Variants in DPYD observed in about 807,000 individuals in gnomAD.
The protein encoded by DPYD is dihydropyrimidine dehydrogenase [NADP(+)].
Under a neutral mutation model 116.2 loss-of-function variants are expected in DPYD, and 109 were observed. The ratio of observed to expected loss-of-function variants is 0.94; its 90% CI spans 0.80 to 1.10. The LOEUF (loss-of-function observed/expected upper bound fraction) is 1.10. DPYD is among the 50% of genes least tolerant of loss of function. The pLI is 0.00. For synonymous variants in DPYD, 440 were observed against 432.0 expected, an observed-to-expected ratio of 1.02 and a Z score of -0.23; for missense variants, 1,302 against 1,254.5, an observed-to-expected ratio of 1.04 and a Z score of -0.57.
At chr1:97,290,375 C>T (rs1428187414) in intron 18 of DPYD, among the ~76,000 whole-genome samples, 1 of 152,126 alleles carries the variant, frequency 6.6e-6, no homozygotes, top group African/African-American at 2.4e-5. Context: ...CCCACATCGC[C>T]AAGTCAATCC....
chr1:97,556,603 G>T (rs1651740792), intron 11 of DPYD, among the ~76,000 whole-genome samples: 1 of 148,238 alleles, frequency 6.7e-6, no homozygotes, highest in African/African-American at 2.5e-5. Flanking sequence ...AGAATATGTG[G>T]TGTTTGGTTT....
chr1:97,083,832 C>T (rs968957465), intron 21 of DPYD, among the ~76,000 whole-genome samples: 18 of 152,068 alleles, frequency 1.2e-4, no homozygotes, highest in South Asian at 4.2e-4. Flanking sequence ...TTTCCAATCA[C>T]GGAGTCTTGG....
intron 8 of DPYD, among the ~76,000 whole-genome samples, chr1:97,618,167 C>T (rs1442993846): frequency 6.6e-6 from 1 of 152,086 alleles, no homozygotes; most frequent in Admixed American, 6.6e-5. Flanking sequence ...AAAGCTTTGC[C>T]TTAGTACTGT....
chr1:97,522,929 T>C (rs1320416230), intron 12 of DPYD, among the ~76,000 whole-genome samples: 1 of 152,222 alleles, frequency 6.6e-6, no homozygotes, highest in African/African-American at 2.4e-5. Flanking sequence ...TTTAGTATTC[T>C]AGTTATCCTT....
chr1:97,361,376 C>T (rs1453124056), intron 16 of DPYD, among the ~76,000 whole-genome samples: 1 of 152,202 alleles, frequency 6.6e-6, no homozygotes, highest in Non-Finnish European at 1.5e-5. Flanking sequence ...ACCAGAGGTA[C>T]AAAGAGGAGT....
At chr1:97,140,914 C>T (rs1271587088) in intron 20 of DPYD, among the ~76,000 whole-genome samples, 2 of 152,098 alleles carry the variant, frequency 1.3e-5, no homozygotes, top group African/African-American at 2.4e-5. Context: ...TCATTTGGTA[C>T]ACTATAATAC....
chr1:97,770,167 G>A (rs999748266), intron 3 of DPYD, among the ~76,000 whole-genome samples: 2 of 152,170 alleles, frequency 1.3e-5, no homozygotes, highest in Admixed American at 6.5e-5. Flanking sequence ...TTTGAAGCTC[G>A]CATGTCCTAG....
intron 20 of DPYD, among the ~76,000 whole-genome samples, chr1:97,167,889 T>C (rs1379795277): frequency 6.6e-6 from 1 of 152,194 alleles, no homozygotes; most frequent in South Asian, 2.1e-4. Context: ...CACAAGTTTG[T>C]AGCTCTTTAT....
At chr1:97,676,091 G>A (rs1047510257) in intron 8 of DPYD, among the ~76,000 whole-genome samples, 3 of 152,092 alleles carry the variant, frequency 2.0e-5, no homozygotes, top group African/African-American at 4.8e-5. Context: ...CAACATGTAT[G>A]CACCAGGTAC....
chr1:97,706,962 G>C (rs544562543), intron 5 of DPYD, among the ~76,000 whole-genome samples: 1 of 152,128 alleles, frequency 6.6e-6, no homozygotes, highest in Admixed American at 6.6e-5. Context: ...TTTCCACCAG[G>C]GAAGAATAAA....
intron 12 of DPYD, among the ~76,000 whole-genome samples, chr1:97,537,454 CA>C (rs1650095772): frequency 6.6e-6 from 1 of 152,022 alleles, no homozygotes; most frequent in South Asian, 2.1e-4. Flanking sequence ...AAAATGTCCC[CA>C]AATCAGAAAT....
chr1:97,307,675 T>C (rs1049074876), intron 16 of DPYD, among the ~76,000 whole-genome samples: 1 of 151,926 alleles, frequency 6.6e-6, no homozygotes, highest in South Asian at 2.1e-4. Context: ...AAAAGTGCTA[T>C]ATGGAATGCT....
intron 1 of DPYD, among the ~76,000 whole-genome samples, chr1:97,899,106 T>C (rs112658989): frequency 2.6e-5 from 4 of 151,700 alleles, no homozygotes; most frequent in Admixed American, 6.6e-5. Context: ...GTTTTGTTTT[T>C]TTTTTTAATG....
chr1:97,102,596 T>C (rs1650821305), intron 20 of DPYD, among the ~76,000 whole-genome samples: 1 of 151,326 alleles, frequency 6.6e-6, no homozygotes, highest in Non-Finnish European at 1.5e-5. Context: ...TGACTTTTTT[T>C]TCCCAAAAGA....
chr1:97,641,101 C>A (rs960709353), intron 8 of DPYD, among the ~76,000 whole-genome samples: 1 of 152,132 alleles, frequency 6.6e-6, no homozygotes, highest in Non-Finnish European at 1.5e-5. Flanking sequence ...CTATATGGCA[C>A]TGCTGAGACT....
intron 16 of DPYD, among the ~76,000 whole-genome samples, chr1:97,369,594 A>G (rs977235795): frequency 6.6e-6 from 1 of 152,088 alleles, no homozygotes; most frequent in Non-Finnish European, 1.5e-5. Context: ...CAAAAACTCA[A>G]CCGGCTTCAG....
At chr1:97,139,649 C>T (rs1043402676) in intron 20 of DPYD, among the ~76,000 whole-genome samples, 1 of 152,098 alleles carries the variant, frequency 6.6e-6, no homozygotes, top group Admixed American at 6.6e-5. Flanking sequence ...TGTTTACGAA[C>T]AACAGATTAA....
intron 13 of DPYD, among the ~76,000 whole-genome samples, chr1:97,481,374 T>G (rs549370015): frequency 9.1e-4 from 138 of 152,310 alleles, no homozygotes; most frequent in African/African-American, 3.1e-3. Context: ...TTGAGATACT[T>G]TTGGAAATTT....
At chr1:97,323,110 T>C (rs1191260882) in intron 16 of DPYD, among the ~76,000 whole-genome samples, 1 of 150,612 alleles carries the variant, frequency 6.6e-6, no homozygotes, top group Non-Finnish European at 1.5e-5. Flanking sequence ...TTTTTATATA[T>C]ATATGCATAT....
Sources: gnomAD v4.1 joint callset for allele counts (sites outside exome capture counted in the v4.1 genomes callset) on GRCh38, gnomAD v4.1.1 for gene constraint, MANE v1.5 for transcripts, NCBI Gene and HGNC (gene_info 2026-07-23, HGNC 2026-07-21) for gene names.